The following SNX29 variants were observed in gnomAD, a reference collection of about 807,000 sequenced individuals.
SNX29 encodes sorting nexin 29.
A neutral mutation model predicts 102.1 loss-of-function variants in SNX29; 78 were observed. That is an observed-to-expected ratio of 0.76 (90% CI 0.64 to 0.92). The LOEUF is 0.92. Ranked by LOEUF, SNX29 falls within the 40% of genes least tolerant of loss-of-function variation. SNX29 has a pLI of 0.00. For synonymous variants in SNX29, 580 were observed against 414.5 expected (o/e 1.40, Z -4.85); for missense variants, 1,280 against 1,061.7 (o/e 1.21, Z -2.86).
chr16:12,431,976 G>A (rs4780437), intron 18 of SNX29, among the ~76,000 whole-genome samples: 62,534 of 152,150 alleles, frequency 0.41, 13,100 homozygotes, highest in Non-Finnish European at 0.46. Context: ...ATACTCAGGA[G>A]GCCAGAGAGA....
intron 18 of SNX29, among the ~76,000 whole-genome samples, chr16:12,415,844 GTTATAT>G (rs1175104635): frequency 1.3e-5 from 2 of 152,150 alleles, no homozygotes; most frequent in Non-Finnish European, 1.5e-5. Flanking sequence ...ATCCAAAATA[GTTATAT>G]TTATTTTTAG....
At chr16:12,297,824 C>G (rs1354011797) in intron 15 of SNX29, among the ~76,000 whole-genome samples, 1 of 152,152 alleles carries the variant, frequency 6.6e-6, no homozygotes, top group Non-Finnish European at 1.5e-5. Flanking sequence ...ACTGTCGAAA[C>G]CTTCCCAGCT....
At chr16:12,378,004 A>T (rs528287614) in intron 16 of SNX29, among the ~76,000 whole-genome samples, 1 of 152,302 alleles carries the variant, frequency 6.6e-6, no homozygotes, top group Non-Finnish European at 1.5e-5. Flanking sequence ...TTTTTGTATT[A>T]GGATGATTCC....
intron 18 of SNX29, among the ~76,000 whole-genome samples, chr16:12,407,478 T>C (rs1370630508): frequency 6.6e-6 from 1 of 152,198 alleles, no homozygotes; most frequent in Non-Finnish European, 1.5e-5. Context: ...AGCTACTAAA[T>C]AAACAATCGT....
intron 14 of SNX29, among the ~76,000 whole-genome samples, chr16:12,209,891 C>G (rs2077138591): frequency 6.6e-6 from 1 of 152,184 alleles, no homozygotes. Flanking sequence ...GCCTGCCCAT[C>G]TGACTCTGCG....
At chr16:12,433,117 C>T (rs1050046955) in intron 18 of SNX29, among the ~76,000 whole-genome samples, 9 of 152,196 alleles carry the variant, frequency 5.9e-5, no homozygotes, top group Admixed American at 5.9e-4. Context: ...GTGTGTGTCC[C>T]GTTCCTTTCA....
chr16:12,511,410 AG>A (rs138716300), intron 19 of SNX29, among the ~76,000 whole-genome samples: 2,037 of 152,252 alleles, frequency 0.013, 48 homozygotes, highest in East Asian at 0.094. Flanking sequence ...AAGCTGTTGC[AG>A]GGGTATGCTG....
At chr16:12,422,784 C>G (rs1208031720) in intron 18 of SNX29, among the ~76,000 whole-genome samples, 1 of 152,254 alleles carries the variant, frequency 6.6e-6, no homozygotes, top group Non-Finnish European at 1.5e-5. Flanking sequence ...AGCTCAGCTG[C>G]TTCCTTCAGC....
chr16:12,476,423 T>TATATATATATATATATATATATATATAC (rs2087644891), intron 18 of SNX29, among the ~76,000 whole-genome samples: 1 of 74,022 alleles, frequency 1.4e-5, no homozygotes, highest in Non-Finnish European at 2.6e-5. Flanking sequence ...CATATATATA[T>TATATATATATATATATATATATATATAC]ATATATATAT....
chr16:12,095,540 T>C (rs1567202477), intron 11 of SNX29, among the ~76,000 whole-genome samples: 1 of 152,246 alleles, frequency 6.6e-6, no homozygotes, highest in Non-Finnish European at 1.5e-5. Context: ...TGCAGCTTTC[T>C]GTTCACCATC....
At position 12,524,980 on chromosome 16, in the gene SNX29, C is replaced by A. The variant is rs1326653524; in HGVS notation, c.2318+139C>A. On this transcript the variant is annotated intron_variant, in intron 20 of 20. Transcript: ENST00000566228. ...ACCCAGGCGAACTCCAGGGGCTGTTCCAGGTGCCAAAGTGGAGGTTGGGTC... is the reference window on the plus strand; with the variant it reads ...ACCCAGGCGAACTCCAGGGGCTGTTACAGGTGCCAAAGTGGAGGTTGGGTC... 5 of 1,250,238 alleles carry A rather than the reference C, an allele frequency of 4.0e-6. No homozygotes were observed. In the Admixed American group the frequency reaches 7.2e-5, roughly 18 times the overall value. 77.4% of individuals were successfully genotyped at this position (1,250,238 alleles called of 1,614,324 possible).
intron 15 of SNX29, among the ~76,000 whole-genome samples, chr16:12,290,365 T>C (rs563056318): frequency 6.6e-6 from 1 of 152,338 alleles, no homozygotes; most frequent in East Asian, 1.9e-4. Flanking sequence ...CTGTCCGTTT[T>C]CGCTGGCTGA....
rs115794188 is a variant in SNX29, at chr16:12,280,210, T to C, written c.1782+2174T>C. On this transcript the variant is annotated intron_variant, in intron 15 of 20. Transcript: ENST00000566228. ...ACAGAGGCTGAGTACAAGGAAAGCA[T>C]TGGCAGGAACTGAAAGGAGACTCAC... Among the ~76,000 whole-genome samples the C allele has an allele frequency of 2.6e-3, 400 of 152,262 alleles. 2 individuals are homozygous for C. The highest frequency in any genetic ancestry group is 8.8e-3 in the African/African-American group (366 of 41,540).
chr16:12,002,429 A>G (rs2056320050), intron 2 of SNX29, among the ~76,000 whole-genome samples: 1 of 151,160 alleles, frequency 6.6e-6, no homozygotes. Context: ...CTGGGCAACA[A>G]GAGTGAAACT....
At chr16:12,321,342 C>G (rs1429381917) in intron 15 of SNX29, among the ~76,000 whole-genome samples, 1 of 152,148 alleles carries the variant, frequency 6.6e-6, no homozygotes, top group Non-Finnish European at 1.5e-5. Flanking sequence ...GAATGACTTC[C>G]CAAACCCAGT....
chr16:12,226,417 AAGG>A (rs1299018306), intron 14 of SNX29, among the ~76,000 whole-genome samples: 1 of 152,164 alleles, frequency 6.6e-6, no homozygotes, highest in Non-Finnish European at 1.5e-5. Context: ...GTGAGTTTAA[AAGG>A]AGGAGAGAGA....
intron 20 of SNX29, among the ~76,000 whole-genome samples, chr16:12,564,359 C>G (rs1284999049): frequency 2.0e-5 from 3 of 152,020 alleles, no homozygotes; most frequent in East Asian, 3.9e-4. Flanking sequence ...GTCAAAGGAG[C>G]CAAATCTATT....
At chr16:12,087,818 C>A (rs1047591569) in intron 11 of SNX29, 3 of 456,490 alleles carry the variant, frequency 6.6e-6, no homozygotes, top group Non-Finnish European at 8.8e-6. Flanking sequence ...CCAGCTGTAT[C>A]CTCTTTCCCT....
At chr16:12,456,555 A>T (rs1455926918) in intron 18 of SNX29, among the ~76,000 whole-genome samples, 1 of 151,812 alleles carries the variant, frequency 6.6e-6, no homozygotes, top group Middle Eastern at 3.2e-3. Context: ...AAAGTGATGT[A>T]TACCTGGTGG....
Sources: allele counts gnomAD v4.1 joint callset (sites outside exome capture counted in the v4.1 genomes callset), GRCh38; gene constraint gnomAD v4.1.1; transcripts MANE v1.5; gene names NCBI Gene and HGNC (gene_info 2026-07-23, HGNC 2026-07-21).